ZNF407: variants seen among roughly 807,000 people sequenced by gnomAD.
ZNF407 encodes the protein zinc finger protein 407.
ZNF407 carries 17 observed loss-of-function variants against 131.2 expected under a neutral mutation model. The ratio of observed to expected loss-of-function variants is 0.13; its 90% confidence interval spans 0.09 to 0.19. ZNF407 has a LOEUF of 0.19. ZNF407 is among the 10% of genes least tolerant of loss of function. The pLI is 1.00. For missense variants in ZNF407, 2,681 were observed against 2,830.6 expected (o/e 0.95, Z 1.20); for synonymous variants, 1,156 against 1,062.0 (o/e 1.09, Z -1.72).
rs752192547 is a variant in ZNF407 at position 74,681,275 on chromosome 18, AC to A, written c.4802+40156del. Among the ~76,000 whole-genome samples the A allele has an allele frequency of 1.4e-4, 21 of 151,922 alleles. No individual in the cohort carries two copies. In the East Asian group the frequency reaches 3.3e-3, roughly 24 times the overall value. The stretch of plus-strand genomic sequence containing the variant: ...AAATGAGATAGTGTCTCCCTCTGTC[AC>A]CCAGGCTGAAGTTCAGTGGTGTGAT... On this transcript the variant is annotated intron_variant, in intron 3 of 8. Coordinates refer to ENST00000299687, the MANE Select transcript of ZNF407 (RefSeq NM_017757.3).
intron 8 of ZNF407, among the ~76,000 whole-genome samples, chr18:75,022,628 G>C (rs972974363): frequency 6.6e-6 from 1 of 152,106 alleles, no homozygotes; most frequent in African/African-American, 2.4e-5. Context: ...TCTCATACCA[G>C]TCAGAATGGC....
intron 1 of ZNF407, among the ~76,000 whole-genome samples, chr18:74,607,690 ACT>A (rs1395749907): frequency 6.6e-6 from 1 of 151,794 alleles, no homozygotes; most frequent in Non-Finnish European, 1.5e-5. Flanking sequence ...TGGTTTTGTG[ACT>A]CTGTACTTTT....
chr18:74,803,561 T>G (rs1970058092), intron 4 of ZNF407, among the ~76,000 whole-genome samples: 1 of 152,254 alleles, frequency 6.6e-6, no homozygotes, highest in Non-Finnish European at 1.5e-5. Context: ...TTCCTATATT[T>G]TAGCAATTTT....
chr18:74,627,064 G>T (rs1983814972), intron 1 of ZNF407, among the ~76,000 whole-genome samples: 1 of 152,168 alleles, frequency 6.6e-6, no homozygotes, highest in Non-Finnish European at 1.5e-5. Context: ...CAGAAAGCCG[G>T]ACTCACCTAG....
At chr18:74,974,495 C>T (rs771133473) in intron 8 of ZNF407, among the ~76,000 whole-genome samples, 3 of 152,136 alleles carry the variant, frequency 2.0e-5, no homozygotes, top group African/African-American at 4.8e-5. Flanking sequence ...AAATTACGCT[C>T]GGCAACTTTA....
At chr18:74,623,158 G>A (rs1337253731) in intron 1 of ZNF407, among the ~76,000 whole-genome samples, 1 of 5,294 alleles carries the variant, frequency 1.9e-4, no homozygotes. Flanking sequence ...GTGTGAGTGC[G>A]TGTGTGTGTA....
chr18:74,678,690 T>C (rs1029729848), intron 3 of ZNF407, among the ~76,000 whole-genome samples: 1 of 152,168 alleles, frequency 6.6e-6, no homozygotes, highest in Non-Finnish European at 1.5e-5. Context: ...AGCACGAGGG[T>C]TGGTCCAAAT....
At chr18:74,775,354 T>G (rs547328155) in intron 3 of ZNF407, among the ~76,000 whole-genome samples, 18 of 152,334 alleles carry the variant, frequency 1.2e-4, no homozygotes, top group African/African-American at 3.8e-4. Flanking sequence ...GATACAATGT[T>G]TAGATCATAG....
intron 3 of ZNF407, among the ~76,000 whole-genome samples, chr18:74,717,117 A>G (rs1043194827): frequency 2.0e-5 from 3 of 152,210 alleles, no homozygotes; most frequent in Non-Finnish European, 2.9e-5. Flanking sequence ...ATCTTTTAGC[A>G]TTTTCAGATT....
chr18:74,842,964 G>A (rs940145495), intron 4 of ZNF407, among the ~76,000 whole-genome samples: 10 of 152,044 alleles, frequency 6.6e-5, no homozygotes, highest in Admixed American at 4.6e-4. Flanking sequence ...TGACCTGCCC[G>A]TCTTGGCCTC....
chr18:74,626,705 A>G (rs555738133), intron 1 of ZNF407, among the ~76,000 whole-genome samples: 2 of 152,348 alleles, frequency 1.3e-5, no homozygotes, highest in East Asian at 1.9e-4. Flanking sequence ...CAGCAGTGCA[A>G]TGGAACATGC....
chr18:74,627,845 C>T (rs1276217823), intron 1 of ZNF407, among the ~76,000 whole-genome samples: 8 of 139,428 alleles, frequency 5.7e-5, no homozygotes, highest in African/African-American at 8.1e-5. Context: ...CGCCCCACCC[C>T]GCCCCGCCCC....
At position 74,781,409 on chromosome 18, in the gene ZNF407, A is replaced by G; in HGVS notation, c.4803-19A>G. Reference sequence around the variant, plus strand: ...AGAGTCAAGTTTTAGTTTTATAATTACTTTTGTTTATTTTTTAGGGTTGCT... The same window carrying G: ...AGAGTCAAGTTTTAGTTTTATAATTGCTTTTGTTTATTTTTTAGGGTTGCT... On this transcript the variant is annotated intron_variant, in intron 3 of 8. Coordinates refer to ENST00000299687, the MANE Select transcript of ZNF407 (RefSeq NM_017757.3). 1.3e-6 allele frequency: 2 copies of G among 1,504,512 alleles called. No individual in the cohort carries two copies. Among genetic ancestry groups the G allele is most frequent in the Non-Finnish European group, 1.8e-6 (2 of 1,114,286 alleles). The allele number at this position is 1,504,512 out of a possible 1,614,324, so 93.2% of individuals were successfully genotyped here.
At chr18:74,969,706 T>C (rs1166185129) in intron 8 of ZNF407, among the ~76,000 whole-genome samples, 7 of 152,208 alleles carry the variant, frequency 4.6e-5, no homozygotes, top group Non-Finnish European at 1.0e-4. Context: ...ACCAAGGAGC[T>C]TCCCAGGCTA....
At position 74,676,468 on chromosome 18, in the gene ZNF407, G is replaced by A. The variant is rs1398813250; in HGVS notation, c.4802+35346G>A. Among the ~76,000 whole-genome samples the A allele has an allele frequency of 7.8e-5, 11 of 141,620 alleles. No homozygotes were observed. In the South Asian group the frequency reaches 1.1e-3, roughly 15 times the overall value. The allele number at this position is 141,620 out of a possible 152,430, so 92.9% of individuals were successfully genotyped here. Reference sequence around the variant, plus strand: ...TTTTTTTTTTTTGAGACGGAGTCTCGCTCTGTCACCCAGGCTGGAGTGCAG... The same window carrying A: ...TTTTTTTTTTTTGAGACGGAGTCTCACTCTGTCACCCAGGCTGGAGTGCAG... On this transcript the variant is annotated intron_variant, in intron 3 of 8. Coordinates refer to ENST00000299687, the MANE Select transcript of ZNF407 (RefSeq NM_017757.3).
At chr18:74,970,727 G>C (rs1972462997) in intron 8 of ZNF407, among the ~76,000 whole-genome samples, 1 of 152,194 alleles carries the variant, frequency 6.6e-6, no homozygotes, top group Admixed American at 6.5e-5. Flanking sequence ...GCATTTCCAG[G>C]TGCACGGTTC....
intron 3 of ZNF407, among the ~76,000 whole-genome samples, chr18:74,760,068 T>C (rs1435904324): frequency 1.3e-5 from 2 of 152,046 alleles, no homozygotes; most frequent in Non-Finnish European, 2.9e-5. Flanking sequence ...TCAGATCCCT[T>C]CCTCCTCAGA....
chr18:75,060,507 CTT>C (rs564194650), intron 8 of ZNF407, among the ~76,000 whole-genome samples: 2 of 124,452 alleles, frequency 1.6e-5, no homozygotes, highest in Non-Finnish European at 3.2e-5. Flanking sequence ...TTCTTTTTTT[CTT>C]TTTTTTTTTT....
At chr18:74,851,081 CATTTTGAAG>C (rs1299507088) in intron 4 of ZNF407, among the ~76,000 whole-genome samples, 1 of 152,198 alleles carries the variant, frequency 6.6e-6, no homozygotes, top group Non-Finnish European at 1.5e-5. Context: ...CCTTGATACA[CATTTTGAAG>C]ATAAATTAAC....
Sources: gnomAD v4.1 joint callset for allele counts (sites outside exome capture counted in the v4.1 genomes callset) on GRCh38, gnomAD v4.1.1 for gene constraint, MANE v1.5 for transcripts, NCBI Gene and HGNC (gene_info 2026-07-23, HGNC 2026-07-21) for gene names.